TACC2: variants seen among roughly 807,000 people sequenced by gnomAD.
TACC2 encodes the protein transforming acidic coiled-coil containing protein 2.
TACC2 carries 137 observed loss-of-function variants against 227.3 expected under a neutral mutation model. The observed-to-expected ratio is 0.60, with a 90% CI of 0.52 to 0.69. The LOEUF is 0.69. Ranked by LOEUF, TACC2 falls within the 30% of genes least tolerant of loss-of-function variation. The probability of loss-of-function intolerance (pLI) is 0.00; values close to 1 mark genes in which losing one functional copy is unlikely to be tolerated. For synonymous variants in TACC2, 1,523 were observed against 1,487.5 expected (o/e 1.02, Z -0.55); for missense variants, 3,470 against 3,694.4 (o/e 0.94, Z 1.57).
In TACC2 at chr10:122,211,405, A is replaced by T. The variant is rs1593395819; in HGVS notation, c.6980A>T (p.Asp2327Val). The T allele has an allele frequency of 6.2e-7, 1 of 1,613,936 alleles. No individual in the cohort carries two copies. The highest frequency in any genetic ancestry group is 8.5e-7 in the Non-Finnish European group (1 of 1,180,012). Residue 2327 changes from aspartate to valine, a missense_variant, in exon 9 of 23, where the codon GAC becomes GTC. By Grantham distance (152) the Asp-to-Val change is radical (BLOSUM62 -3). Coordinates refer to ENST00000369005, the MANE Select transcript of TACC2 (RefSeq NM_206862.4). ...SPPRSPAEPN[D>V]IPIAKGTYTF... is the part of the protein sequence containing the mutation. The stretch of plus-strand genomic sequence containing the variant: ...CCCAGATCCCCTGCTGAACCCAATG[A>T]CATCCCCATTGCTAAAGGTACTTAC...
At position 122,039,049 on chromosome 10, in the gene TACC2, C is replaced by A. The variant is rs564890601; in HGVS notation, c.34-11389C>A. ...GGAGTGCAGTGGCACAATCTTGGCT[C>A]ACTGTAACCTCTGCCTCCTGGGTTC... On this transcript the variant is annotated intron_variant, in intron 2 of 22. Coordinates refer to ENST00000369005, the MANE Select transcript of TACC2 (RefSeq NM_206862.4). 1.1e-4 allele frequency among the ~76,000 whole-genome samples: 17 copies of A among 152,304 alleles called. 1 individual carries two copies. The South Asian group carries it at 2.1e-3, about 19-fold the overall frequency.
chr10:122,092,556 A>G (rs2080938214), intron 5 of TACC2, among the ~76,000 whole-genome samples: 1 of 152,226 alleles, frequency 6.6e-6, no homozygotes, highest in Admixed American at 6.5e-5. Flanking sequence ...ATGACAGGAT[A>G]GTTTGATAAC....
At chr10:122,070,976 A>G (rs1030654269) in intron 3 of TACC2, among the ~76,000 whole-genome samples, 6 of 152,134 alleles carry the variant, frequency 3.9e-5, no homozygotes, top group African/African-American at 1.2e-4. Flanking sequence ...TTGTTGTTCA[A>G]AATATCCTCA....
rs563478332 is a variant in TACC2, at chr10:122,116,038, G to A, written c.5574-16571G>A. 7.9e-5 allele frequency among the ~76,000 whole-genome samples: 12 copies of A among 152,162 alleles called. No homozygotes were observed. In the East Asian group the frequency reaches 2.3e-3, roughly 29 times the overall value. ...TTTCTGCCTCTCCCCTATTGAGGTC[G>A]CAGTCCTTGGTTCATAACCCCAGTA... On this transcript the variant is annotated intron_variant, in intron 5 of 22. Coordinates refer to ENST00000369005, the MANE Select transcript of TACC2 (RefSeq NM_206862.4).
chr10:122,188,943 G>T (rs1230825512), intron 7 of TACC2, among the ~76,000 whole-genome samples: 1 of 152,194 alleles, frequency 6.6e-6, no homozygotes, highest in Non-Finnish European at 1.5e-5. Context: ...GTTTGTTCAT[G>T]GAAGGCAGTA....
chr10:122,132,053 A>AAGGAAGG (rs2088297597), intron 5 of TACC2, among the ~76,000 whole-genome samples: 1 of 31,128 alleles, frequency 3.2e-5, no homozygotes, highest in African/African-American at 7.0e-5. Context: ...AGAAAGAAAG[A>AAGGAAGG]AAGAAAGAAA....
intron 2 of TACC2, among the ~76,000 whole-genome samples, chr10:122,027,966 A>G (rs1374039129): frequency 3.3e-5 from 5 of 151,348 alleles, no homozygotes; most frequent in Admixed American, 2.6e-4. Context: ...GTTGGTCTCG[A>G]TCTCCTGACC....
chr10:122,204,436 C>T (rs1324205548), intron 8 of TACC2, among the ~76,000 whole-genome samples: 1 of 152,128 alleles, frequency 6.6e-6, no homozygotes, highest in Non-Finnish European at 1.5e-5. Context: ...TGGTCGGCAG[C>T]CCACCAGGGA....
In TACC2 at chr10:122,158,407, A is replaced by G. The variant is rs924185156; in HGVS notation, c.5834+14701A>G. Among the ~76,000 whole-genome samples, 6 of 151,952 alleles carry G rather than the reference A, an allele frequency of 3.9e-5. No individual in the cohort carries two copies. In the East Asian group the frequency reaches 5.8e-4, roughly 15 times the overall value. ...GAGACTCCATCTCAAAAAAAAAAAC[A>G]AAAACAAAAAAGAAAACCCAAAAAA... On this transcript the variant is annotated intron_variant, in intron 7 of 22. Transcript: ENST00000369005.
At chr10:122,059,089 T>A (rs1205582788) in intron 3 of TACC2, among the ~76,000 whole-genome samples, 1 of 122,642 alleles carries the variant, frequency 8.2e-6, no homozygotes, top group African/African-American at 2.8e-5. Context: ...TTGTTGTTGT[T>A]GTATTTTTAG....
chr10:122,007,544 CCTT>C (rs1179962173), intron 1 of TACC2, among the ~76,000 whole-genome samples: 3 of 152,160 alleles, frequency 2.0e-5, no homozygotes, highest in Admixed American at 6.5e-5. Flanking sequence ...GACTTGTTGA[CCTT>C]CTTCTTGTCC....
chr10:122,059,340 C>A (rs1044340827), intron 3 of TACC2, among the ~76,000 whole-genome samples: 1 of 151,874 alleles, frequency 6.6e-6, no homozygotes, highest in Non-Finnish European at 1.5e-5. Flanking sequence ...GTACCCGTTT[C>A]CTGAACACCC....
chr10:122,145,100 C>T (rs955139866), intron 7 of TACC2, among the ~76,000 whole-genome samples: 10 of 152,232 alleles, frequency 6.6e-5, no homozygotes, highest in African/African-American at 1.9e-4. Flanking sequence ...AATTACTCTT[C>T]TCAAATATTC....
At chr10:122,002,858 T>A (rs1173717896) in intron 1 of TACC2, among the ~76,000 whole-genome samples, 1 of 152,202 alleles carries the variant, frequency 6.6e-6, no homozygotes, top group African/African-American at 2.4e-5. Context: ...TCTCCCTTTT[T>A]CTTTCTGATC....
At chr10:122,173,966 G>A (rs1481461499) in intron 7 of TACC2, among the ~76,000 whole-genome samples, 1 of 152,208 alleles carries the variant, frequency 6.6e-6, no homozygotes, top group African/African-American at 2.4e-5. Context: ...AGGCTGGGCT[G>A]GGCTGAGCCA....
At chr10:122,052,694 AAAAAC>A (rs1387760234) in intron 3 of TACC2, 1 of 151,728 alleles carries the variant, frequency 6.6e-6, no homozygotes, top group African/African-American at 2.4e-5. Context: ...AAAAAAAAAA[AAAAAC>A]AAACAGGTGC....
At chr10:122,046,326 T>C (rs1203896341) in intron 2 of TACC2, among the ~76,000 whole-genome samples, 1 of 150,868 alleles carries the variant, frequency 6.6e-6, no homozygotes, top group African/African-American at 2.4e-5. Context: ...TACAAAAAAT[T>C]AGCCGGGCGT....
chr10:122,078,857 C>T (rs2079130592), intron 3 of TACC2: 1 of 152,212 alleles, frequency 6.6e-6, no homozygotes, highest in African/African-American at 2.4e-5. Flanking sequence ...TGTCTGGGTT[C>T]TTATTTGGGA....
At chr10:122,167,943 A>C (rs1189689033) in intron 7 of TACC2, among the ~76,000 whole-genome samples, 2 of 151,844 alleles carry the variant, frequency 1.3e-5, no homozygotes, top group Non-Finnish European at 2.9e-5. Context: ...CTCATATGTA[A>C]CAGTGTGATC....
Sources: gnomAD v4.1 joint callset for allele counts (sites outside exome capture counted in the v4.1 genomes callset) on GRCh38, gnomAD v4.1.1 for gene constraint, MANE v1.5 for transcripts, NCBI Gene and HGNC (gene_info 2026-07-23, HGNC 2026-07-21) for gene names.